The following EPHA6 variants were observed in gnomAD, a reference collection of about 807,000 sequenced individuals.
EPHA6 encodes EPH receptor A6.
A neutral mutation model predicts 112.0 loss-of-function variants in EPHA6; 50 were observed. The observed-to-expected ratio is 0.45, with a 90% CI of 0.36 to 0.56. The LOEUF (loss-of-function observed/expected upper bound fraction) is 0.56, where lower values mean the gene tolerates loss of function less well. Among genes scored for constraint, EPHA6 ranks in the 20% least tolerant of loss-of-function variants. The pLI is 0.00. For synonymous variants in EPHA6, 529 were observed against 490.7 expected (o/e 1.08, Z -1.03); for missense variants, 1,280 against 1,417.4 (o/e 0.90, Z 1.56).
At chr3:97,337,102 CAA>C (rs1048117167) in intron 5 of EPHA6, among the ~76,000 whole-genome samples, 10 of 151,906 alleles carry the variant, frequency 6.6e-5, no homozygotes, top group African/African-American at 2.4e-4. Flanking sequence ...TTATAAAATA[CAA>C]AGAGAGAGAA....
chr3:97,028,408 CCTTT>C (rs1170498681), intron 3 of EPHA6, among the ~76,000 whole-genome samples: 4 of 151,998 alleles, frequency 2.6e-5, no homozygotes, highest in African/African-American at 9.7e-5. Flanking sequence ...AAAGTGTCTT[CCTTT>C]CTTTTGTCTT....
rs779518542 is a variant in EPHA6, at chr3:97,226,459, AC to A, written c.1270+43del. ...TTTGGATTTGGAAATTCTGTTTCCA[AC>A]CCTTTTGGTCTTTTCATTCTAAATT... is the stretch of plus-strand genomic sequence containing the variant. On this transcript the variant is annotated intron_variant, in intron 4 of 17. Coordinates refer to ENST00000389672, the MANE Select transcript of EPHA6 (RefSeq NM_001080448.3). 5 of 1,559,460 alleles carry A rather than the reference AC, an allele frequency of 3.2e-6. No individual in the cohort carries two copies. The South Asian group carries it at 3.6e-5, about 11-fold the overall frequency.
chr3:97,504,126 C>T (rs541776974), intron 10 of EPHA6, among the ~76,000 whole-genome samples: 1 of 152,160 alleles, frequency 6.6e-6, no homozygotes, highest in South Asian at 2.1e-4. Flanking sequence ...ATAGCAAAAA[C>T]TAGAATGAAG....
At chr3:97,546,808 G>T (rs1463124484) in intron 11 of EPHA6, among the ~76,000 whole-genome samples, 2 of 151,706 alleles carry the variant, frequency 1.3e-5, no homozygotes, top group African/African-American at 2.4e-5. Flanking sequence ...ACTTTATTTT[G>T]TTCATTTCCT....
chr3:97,081,366 G>A (rs895507479), intron 3 of EPHA6, among the ~76,000 whole-genome samples: 1 of 151,820 alleles, frequency 6.6e-6, no homozygotes, highest in African/African-American at 2.4e-5. Context: ...AGAAAATCAG[G>A]CAAAGGACAA....
intron 5 of EPHA6, among the ~76,000 whole-genome samples, chr3:97,393,189 C>A (rs1440101993): frequency 6.6e-6 from 1 of 151,846 alleles, no homozygotes; most frequent in Non-Finnish European, 1.5e-5. Flanking sequence ...AGTGGTACAA[C>A]ATATATTCTT....
chr3:97,110,579 C>G (rs544218473), intron 3 of EPHA6, among the ~76,000 whole-genome samples: 4 of 152,170 alleles, frequency 2.6e-5, no homozygotes, highest in African/African-American at 9.6e-5. Context: ...GGCTGGAGTG[C>G]AGTGGTGCAA....
intron 5 of EPHA6, among the ~76,000 whole-genome samples, chr3:97,358,070 C>T (rs2084176465): frequency 6.6e-6 from 1 of 152,120 alleles, no homozygotes; most frequent in East Asian, 1.9e-4. Flanking sequence ...TGAACCTCAA[C>T]AGTTCAAACC....
At chr3:96,929,775 T>C (rs757899587) in intron 2 of EPHA6, among the ~76,000 whole-genome samples, 36 of 152,186 alleles carry the variant, frequency 2.4e-4, no homozygotes, top group South Asian at 2.1e-4. Context: ...TGGCCTCTCT[T>C]ATTAGGCTGG....
intron 5 of EPHA6, among the ~76,000 whole-genome samples, chr3:97,378,652 T>C (rs1020246589): frequency 6.6e-6 from 1 of 152,176 alleles, no homozygotes; most frequent in Admixed American, 6.5e-5. Flanking sequence ...TGCATCTGTG[T>C]GACCTGGATG....
chr3:96,829,268 A>G (rs1421331499), intron 1 of EPHA6, among the ~76,000 whole-genome samples: 2 of 152,144 alleles, frequency 1.3e-5, no homozygotes, highest in African/African-American at 2.4e-5. Context: ...AAAGGGAAAA[A>G]AATTACCCCA....
chr3:97,046,460 T>C (rs1423825735), intron 3 of EPHA6, among the ~76,000 whole-genome samples: 1 of 152,160 alleles, frequency 6.6e-6, no homozygotes, highest in African/African-American at 2.4e-5. Context: ...TACTTCATTG[T>C]GAAAGTTTAG....
At chr3:97,625,425 T>A (rs1576118223) in intron 13 of EPHA6, among the ~76,000 whole-genome samples, 1 of 151,774 alleles carries the variant, frequency 6.6e-6, no homozygotes, top group East Asian at 1.9e-4. Context: ...AATCTACTAT[T>A]TGAAATCTCT....
chr3:97,489,171 A>C (rs1052695277), intron 10 of EPHA6, among the ~76,000 whole-genome samples: 5 of 152,258 alleles, frequency 3.3e-5, no homozygotes, highest in African/African-American at 1.2e-4. Context: ...TTCTACATTC[A>C]GTTTTGACTG....
intron 3 of EPHA6, among the ~76,000 whole-genome samples, chr3:97,216,074 A>C (rs551534875): frequency 3.8e-4 from 58 of 152,296 alleles, no homozygotes; most frequent in African/African-American, 1.4e-3. Flanking sequence ...CTTTATTGCT[A>C]TAAAGAAGTA....
chr3:97,362,286 T>G (rs1225625955), intron 5 of EPHA6, among the ~76,000 whole-genome samples: 1 of 152,120 alleles, frequency 6.6e-6, no homozygotes, highest in Non-Finnish European at 1.5e-5. Flanking sequence ...GTATTGCCAA[T>G]CAGCTTATTT....
At chr3:97,023,812 A>G (rs1483313605) in intron 3 of EPHA6, among the ~76,000 whole-genome samples, 1 of 152,196 alleles carries the variant, frequency 6.6e-6, no homozygotes, top group Non-Finnish European at 1.5e-5. Flanking sequence ...CATCATCCTG[A>G]GTAAAGAATC....
intron 7 of EPHA6, among the ~76,000 whole-genome samples, chr3:97,449,781 C>T (rs1169245401): frequency 1.3e-5 from 2 of 152,080 alleles, no homozygotes; most frequent in East Asian, 1.9e-4. Flanking sequence ...CCTACTAAAT[C>T]TTATCATTTG....
chr3:97,555,394 G>T (rs941212397), intron 11 of EPHA6, among the ~76,000 whole-genome samples: 16 of 152,128 alleles, frequency 1.1e-4, no homozygotes, highest in Admixed American at 2.6e-4. Context: ...AAACATACGT[G>T]TGCATGTGTC....
Sources: allele counts gnomAD v4.1 joint callset (sites outside exome capture counted in the v4.1 genomes callset), GRCh38; gene constraint gnomAD v4.1.1; transcripts MANE v1.5; gene names NCBI Gene and HGNC (gene_info 2026-07-23, HGNC 2026-07-21).